The following TPO variants were observed in gnomAD, a reference collection of about 807,000 sequenced individuals.
TPO encodes thyroid microsomal antigen.
A neutral mutation model predicts 96.9 loss-of-function variants in TPO; 78 were observed. The observed-to-expected ratio is 0.81, with a 90% CI of 0.67 to 0.97. The LOEUF is 0.97. Among genes scored for constraint, TPO ranks in the 50% least tolerant of loss-of-function variants. TPO has a pLI of 0.00. For synonymous variants in TPO, 547 were observed against 538.0 expected (o/e 1.02, Z -0.23); for missense variants, 1,252 against 1,274.8 (o/e 0.98, Z 0.27).
At chr2:1,448,236 G>A (rs1486292427) in intron 5 of TPO, among the ~76,000 whole-genome samples, 2 of 152,180 alleles carry the variant, frequency 1.3e-5, no homozygotes, top group Admixed American at 1.3e-4. Flanking sequence ...GACTTCCTCC[G>A]GCCTCGCGTG....
chr2:1,422,507 A>C (rs145937051), intron 2 of TPO, among the ~76,000 whole-genome samples: 24 of 152,280 alleles, frequency 1.6e-4, no homozygotes, highest in African/African-American at 5.5e-4. Context: ...ATTTAGTAAC[A>C]GGACTGACGT....
intron 3 of TPO, among the ~76,000 whole-genome samples, chr2:1,429,306 C>T (rs1412144835): frequency 6.6e-6 from 1 of 152,130 alleles, no homozygotes; most frequent in Non-Finnish European, 1.5e-5. Context: ...CACCAGAAGC[C>T]AGGCAGGTGC....
At chr2:1,488,197 G>A (rs747026400) in intron 10 of TPO, among the ~76,000 whole-genome samples, 9 of 152,156 alleles carry the variant, frequency 5.9e-5, no homozygotes, top group Non-Finnish European at 1.3e-4. Flanking sequence ...CGAAGAGGGT[G>A]GTTCTGAACC....
At chr2:1,476,100 C>T (rs541528072) in intron 7 of TPO, among the ~76,000 whole-genome samples, 55 of 152,228 alleles carry the variant, frequency 3.6e-4, no homozygotes, top group Non-Finnish European at 7.3e-4. Flanking sequence ...CCTTCCTACT[C>T]CTCAGTGCCC....
At chr2:1,397,804 C>T (rs533712975) in intron 1 of TPO, among the ~76,000 whole-genome samples, 250 of 152,244 alleles carry the variant, frequency 1.6e-3, no homozygotes, top group Middle Eastern at 6.8e-3. Flanking sequence ...GTGTGTTTTC[C>T]GATCCTCTCT....
intron 15 of TPO, among the ~76,000 whole-genome samples, chr2:1,533,169 C>A (rs1238107268): frequency 9.2e-6 from 1 of 109,280 alleles, no homozygotes; most frequent in Non-Finnish European, 1.7e-5. Flanking sequence ...TGTGAGCAAC[C>A]TTCCCAAATC....
intron 1 of TPO, among the ~76,000 whole-genome samples, chr2:1,395,828 C>T (rs1479260305): frequency 1.3e-5 from 2 of 152,136 alleles, no homozygotes; most frequent in South Asian, 2.1e-4. Flanking sequence ...AAGGGCAGTT[C>T]CCCTGCACAC....
chr2:1,496,545 T>C, intron 12 of TPO, 50 bp from the exon 13 acceptor site: 1 of 1,611,356 alleles, frequency 6.2e-7, no homozygotes, highest in Non-Finnish European at 8.5e-7. Context: ...TGGTGTGTGG[T>C]TTTCTTTTCT....
chr2:1,494,511 C>T (rs527299684), intron 11 of TPO, among the ~76,000 whole-genome samples: 34 of 152,276 alleles, frequency 2.2e-4, no homozygotes, highest in Admixed American at 5.9e-4. Context: ...AGATGGTTGC[C>T]GGTAGCAGAA....
intron 8 of TPO, among the ~76,000 whole-genome samples, chr2:1,480,730 A>ACC (rs1323410854): frequency 1.3e-5 from 2 of 151,682 alleles, no homozygotes; most frequent in African/African-American, 4.8e-5. Context: ...ATCCGTCCAA[A>ACC]CCATGTTTCT....
intron 16 of TPO, chr2:1,541,220 G>A: frequency 1.4e-5 from 16 of 1,140,844 alleles, no homozygotes; most frequent in Non-Finnish European, 1.7e-5. Context: ...GAGCAGAACA[G>A]TGGCCTCCAG....
chr2:1,384,529 T>C (rs1275854926), intron 1 of TPO, among the ~76,000 whole-genome samples: 2 of 152,250 alleles, frequency 1.3e-5, no homozygotes, highest in Admixed American at 1.3e-4. Context: ...TTTTGGTGTA[T>C]AAGAATGCTT....
intron 15 of TPO, among the ~76,000 whole-genome samples, chr2:1,533,021 G>C (rs1318488667): frequency 2.2e-5 from 1 of 44,758 alleles, no homozygotes; most frequent in South Asian, 6.9e-4. Context: ...GTCCCCCACT[G>C]TGTGCACCCC....
At chr2:1,499,519 T>A (rs1158000866) in intron 13 of TPO, among the ~76,000 whole-genome samples, 5 of 152,186 alleles carry the variant, frequency 3.3e-5, no homozygotes. Flanking sequence ...CCAGTGCTCC[T>A]GGTGGGCTCC....
At chr2:1,521,742 G>A (rs188516314) in intron 15 of TPO, among the ~76,000 whole-genome samples, 4 of 152,108 alleles carry the variant, frequency 2.6e-5, no homozygotes, top group Admixed American at 6.5e-5. Context: ...TCAGTACGGC[G>A]TCTGTGAGGC....
chr2:1,480,381 C>T (rs1670428547), intron 8 of TPO, among the ~76,000 whole-genome samples: 2 of 152,106 alleles, frequency 1.3e-5, no homozygotes, highest in Non-Finnish European at 1.5e-5. Flanking sequence ...GAAAGATCCA[C>T]GGTGGCCTGG....
At chr2:1,537,694 C>T (rs1680140263) in intron 15 of TPO, among the ~76,000 whole-genome samples, 1 of 135,130 alleles carries the variant, frequency 7.4e-6, no homozygotes, top group Non-Finnish European at 1.6e-5. Flanking sequence ...GTGGAACCTC[C>T]TCAAATCCCA....
chr2:1,481,335 T>G (rs997677833), intron 8 of TPO, among the ~76,000 whole-genome samples: 2 of 152,184 alleles, frequency 1.3e-5, no homozygotes, highest in Non-Finnish European at 2.9e-5. Flanking sequence ...TCGGGGAGTC[T>G]GGGTGTGCCA....
intron 13 of TPO, among the ~76,000 whole-genome samples, chr2:1,497,740 TCA>T (rs1273999055): frequency 6.6e-6 from 1 of 152,108 alleles, no homozygotes; most frequent in African/African-American, 2.4e-5. Flanking sequence ...GGCATCAGAC[TCA>T]CAGTCTCCTG....
Sources: allele counts gnomAD v4.1 joint callset (sites outside exome capture counted in the v4.1 genomes callset), GRCh38; gene constraint gnomAD v4.1.1; transcripts MANE v1.5; gene names NCBI Gene and HGNC (gene_info 2026-07-23, HGNC 2026-07-21).